Variants in MGAM2 observed in about 807,000 individuals in gnomAD.
MGAM2 encodes probable maltase-glucoamylase 2.
Under a neutral mutation model 96.1 loss-of-function variants are expected in MGAM2, and 98 were observed. That is an observed-to-expected ratio of 1.02 (90% CI 0.87 to 1.21). MGAM2 has a LOEUF of 1.21. MGAM2 is among the 50% of genes most tolerant of loss of function. The pLI, the probability that MGAM2 is intolerant of heterozygous loss-of-function variation, is 0.00. For missense variants in MGAM2, 2,055 were observed against 1,182.4 expected (o/e 1.74, Z -10.82); for synonymous variants, 749 against 414.8 (o/e 1.81, Z -9.79).
At chr7:142,217,257 T>G (rs1456088382) in intron 46 of MGAM2, among the ~76,000 whole-genome samples, 2 of 152,204 alleles carry the variant, frequency 1.3e-5, no homozygotes, top group Admixed American at 6.5e-5. Flanking sequence ...CTATGTTTCT[T>G]GCACACTGTC....
chr7:142,139,625 A>C (rs1038576050), intron 10 of MGAM2, among the ~76,000 whole-genome samples: 1 of 147,422 alleles, frequency 6.8e-6, no homozygotes, highest in African/African-American at 2.5e-5. Flanking sequence ...GCGCCACTAC[A>C]CTCCAGCCTG....
chr7:142,124,396 C>T (rs1585142246), intron 3 of MGAM2, among the ~76,000 whole-genome samples: 1 of 152,122 alleles, frequency 6.6e-6, no homozygotes, highest in Non-Finnish European at 1.5e-5. Context: ...TATGGATCTG[C>T]TTCTGGAATG....
chr7:142,179,854 T>G (rs1282355694), intron 32 of MGAM2, among the ~76,000 whole-genome samples: 1 of 152,144 alleles, frequency 6.6e-6, no homozygotes, highest in East Asian at 1.9e-4. Context: ...GATATTGATA[T>G]CAGGATGATG....
intron 1 of MGAM2, among the ~76,000 whole-genome samples, chr7:142,113,351 G>A (rs1242143095): frequency 6.6e-6 from 1 of 151,870 alleles, no homozygotes; most frequent in Admixed American, 6.6e-5. Context: ...CAAAGCTAAA[G>A]GGTTTTTGGT....
intron 37 of MGAM2, among the ~76,000 whole-genome samples, chr7:142,190,179 G>C (rs1294993178): frequency 2.6e-5 from 4 of 151,210 alleles, no homozygotes; most frequent in Non-Finnish European, 5.9e-5. Context: ...ATGTATCTAA[G>C]AGTGGAACTT....
chr7:142,187,521 A>G (rs967195945), intron 35 of MGAM2, among the ~76,000 whole-genome samples: 1 of 152,076 alleles, frequency 6.6e-6, no homozygotes, highest in Non-Finnish European at 1.5e-5. Context: ...GGAGTTTAGC[A>G]CTCCACTTTG....
At chr7:142,147,623 G>T in intron 15 of MGAM2, 50 bp downstream of exon 15, 1 of 661,298 alleles carries the variant, frequency 1.5e-6, no homozygotes. Context: ...GGTGGGAGGT[G>T]GAGGTGGAGG....
At chr7:142,118,829 A>G (rs568208170) in intron 2 of MGAM2, among the ~76,000 whole-genome samples, 1 of 152,232 alleles carries the variant, frequency 6.6e-6, no homozygotes, top group African/African-American at 2.4e-5. Flanking sequence ...CTGACAACAT[A>G]TATAAACATT....
intron 45 of MGAM2, among the ~76,000 whole-genome samples, chr7:142,202,371 ATG>A (rs1253341864): frequency 6.6e-6 from 1 of 152,132 alleles, no homozygotes; most frequent in African/African-American, 2.4e-5. Flanking sequence ...TGTTGCATGG[ATG>A]TATTGTATGA....
chr7:142,221,262 A>T lies in MGAM2; in HGVS notation c.6751A>T (p.Thr2251Ser). ...AGCTACAATGTCTGCTGGTAATATAACTAGTAATAGTATTTCCATAACAAC... is the reference window on the plus strand; with the variant it reads ...AGCTACAATGTCTGCTGGTAATATATCTAGTAATAGTATTTCCATAACAAC... The part of the protein sequence containing the change: ...LLATMSAGNI[T>S]SNSISITTTS... The change falls in exon 48 of 48, where the codon ACT becomes TCT. Residue 2251 changes from threonine (T) to serine (S), a missense_variant. Transcript: ENST00000477922. 1.4e-6 allele frequency: 1 copy of T among 695,798 alleles called. No homozygotes were observed. Among genetic ancestry groups the T allele is most frequent in the Admixed American group, 2.0e-5 (1 of 49,420 alleles). The allele number at this position is 695,798 out of a possible 1,614,324, so 43.1% of individuals were successfully genotyped here. A position where few individuals can be genotyped will look rare whatever the true frequency, so the allele number is the denominator to read the frequency against.
intron 12 of MGAM2, among the ~76,000 whole-genome samples, chr7:142,142,783 C>T (rs1795272518): frequency 6.6e-6 from 1 of 152,010 alleles, no homozygotes. Context: ...CTCCTGACCT[C>T]GTGATCCACC....
intron 43 of MGAM2, 51 bp downstream of exon 43, chr7:142,198,246 G>A: frequency 1.5e-6 from 1 of 684,436 alleles, no homozygotes; most frequent in African/African-American, 1.8e-5. Flanking sequence ...GCAGGGTGGA[G>A]AGGTGGATAG....
intron 1 of MGAM2, among the ~76,000 whole-genome samples, chr7:142,114,216 G>A (rs62479381): frequency 0.081 from 5,264 of 64,814 alleles, 296 homozygotes; most frequent in Admixed American, 0.1. Context: ...GAAAGAAAGA[G>A]AGAAAGAAAG....
Position 142,196,304 on chromosome 7 carries a change from C to T in MGAM2, c.4480+17C>T. The T allele has an allele frequency of 1.4e-6, 1 of 721,676 alleles. No homozygotes were observed. Among genetic ancestry groups the T allele is most frequent in the Non-Finnish European group, 2.5e-6 (1 of 398,444 alleles). The allele number at this position is 721,676 out of a possible 1,614,324, so 44.7% of individuals were successfully genotyped here. A position where few individuals can be genotyped will look rare whatever the true frequency, so the allele number is the denominator to read the frequency against. ...CTATCATTGGTGTGTGGGCTCATTC[C>T]CAGGGGCCTGTGCTGGCAGGGAGGG... On this transcript the variant is annotated intron_variant, in intron 38 of 47. Transcript: ENST00000477922.
At chr7:142,184,017 G>T (rs1796622114) in intron 33 of MGAM2, among the ~76,000 whole-genome samples, 1 of 120,850 alleles carries the variant, frequency 8.3e-6, no homozygotes, top group South Asian at 2.8e-4. Context: ...CTGTTACCCA[G>T]GCTGGAGTGC....
Position 142,178,540 on chromosome 7 carries a change from A to G in MGAM2, c.3816+2760A>G, listed in dbSNP as rs116910318. On this transcript the variant is annotated intron_variant, in intron 32 of 47. Coordinates refer to ENST00000477922, the MANE Select transcript of MGAM2 (RefSeq NM_001293626.2). ...TGAGTTAATTTTTGTATATAGTGAAAGGTAGGAGTCCAGTACCATTCTCTT... is the reference window on the plus strand; with the variant it reads ...TGAGTTAATTTTTGTATATAGTGAAGGGTAGGAGTCCAGTACCATTCTCTT... 4.2e-3 allele frequency among the ~76,000 whole-genome samples: 643 copies of G among 152,296 alleles called. 30 individuals are homozygous for G. In the East Asian group the frequency reaches 0.11, roughly 26 times the overall value.
At chr7:142,186,830 C>T (rs1691668880) in intron 35 of MGAM2, among the ~76,000 whole-genome samples, 1 of 152,188 alleles carries the variant, frequency 6.6e-6, no homozygotes, top group African/African-American at 2.4e-5. Flanking sequence ...TGACCACCCG[C>T]ACCTTTGAGA....
intron 29 of MGAM2, 31 bp downstream of exon 29, chr7:142,172,225 C>T (rs573150233): frequency 2.2e-5 from 15 of 695,184 alleles, no homozygotes; most frequent in African/African-American, 1.6e-4. Flanking sequence ...CCATGCACCA[C>T]CAGAAACAGC....
intron 45 of MGAM2, among the ~76,000 whole-genome samples, chr7:142,207,694 G>C (rs1463550568): frequency 1.3e-5 from 2 of 152,120 alleles, no homozygotes; most frequent in African/African-American, 4.8e-5. Context: ...CTCCCAAAAT[G>C]CTGGGATTAC....
Sources: allele counts gnomAD v4.1 joint callset (sites outside exome capture counted in the v4.1 genomes callset), GRCh38; gene constraint gnomAD v4.1.1; transcripts MANE v1.5; gene names NCBI Gene and HGNC (gene_info 2026-07-23, HGNC 2026-07-21).